The following NID2 variants were observed in gnomAD, a reference collection of about 807,000 sequenced individuals.
NID2 encodes nidogen 2, also known as nidogen-2.
In NID2, 83 loss-of-function variants were observed where a neutral mutation model predicts 145.4. The ratio of observed to expected loss-of-function variants is 0.57; its 90% CI spans 0.48 to 0.69. NID2 has a LOEUF of 0.69. Among genes scored for constraint, NID2 ranks in the 30% least tolerant of loss-of-function variants. The pLI is 0.00. For missense variants in NID2, 1,807 were observed against 1,765.7 expected (o/e 1.02, Z -0.42); for synonymous variants, 739 against 701.3 (o/e 1.05, Z -0.85).
Position 52,014,914 on chromosome 14 carries a change from TATAA to T in NID2, c.3250+136_3250+139del, listed in dbSNP as rs1035739228. 7 of 716,088 alleles carry T rather than the reference TATAA, an allele frequency of 9.8e-6. No individual in the cohort carries two copies. In the African/African-American group the frequency reaches 1.2e-4, roughly 13 times the overall value. The allele number at this position is 716,088 out of a possible 1,614,324, so 44.4% of individuals were successfully genotyped here. On this transcript the variant is annotated intron_variant, in intron 15 of 21. Transcript: ENST00000216286. ...AATTGGGATCTTGTGTGGACCAGAT[TATAA>T]ATCAACATAGCACATAGTGACTTCT...
Position 52,011,040 on chromosome 14 carries a change from T to A in NID2, c.3558A>T (p.Ile1186=). The A allele has an allele frequency of 6.2e-7, 1 of 1,613,308 alleles. No homozygotes were observed. Among genetic ancestry groups the A allele is most frequent in the Non-Finnish European group, 8.5e-7 (1 of 1,179,354 alleles). ...GGTCTATGGCAAGTCCTTCAGGGCT[T>A]ATCAGACCTGGAAATAAAGCAAAGT... The part of the protein sequence containing the change: ...EPETIVNSGL[I]SPEGLAIDHI... Residue 1186 remains isoleucine (I), a synonymous_variant, in exon 18 of 22, where the codon ATA becomes ATT. Transcript: ENST00000216286.
In NID2 at chr14:52,011,046, A is replaced by T. The variant is rs1890996739; in HGVS notation, c.3552T>A (p.Gly1184=). 1 of 1,612,422 alleles carries T rather than the reference A, an allele frequency of 6.2e-7. No homozygotes were observed. The highest frequency in any genetic ancestry group is 2.2e-5 in the East Asian group (1 of 44,800). Residue 1184 remains glycine (G), a splice_region_variant and synonymous_variant, in exon 18 of 22, where the codon GGT becomes GGA. Coordinates refer to ENST00000216286, the MANE Select transcript of NID2 (RefSeq NM_007361.4). ...TGGCAAGTCCTTCAGGGCTTATCAG[A>T]CCTGGAAATAAAGCAAAGTCAGGAC... ...GAEPETIVNS[G]LISPEGLAID... is the part of the protein sequence containing the mutation.
intron 9 of NID2, among the ~76,000 whole-genome samples, chr14:52,030,642 GAAAAAGAGAA>G (rs1891823318): frequency 2.1e-5 from 3 of 146,110 alleles, no homozygotes; most frequent in African/African-American, 5.0e-5. Context: ...GAAAGAGAAA[GAAAAAGAGAA>G]AGAAAGAAAG....
intron 9 of NID2, among the ~76,000 whole-genome samples, chr14:52,030,556 G>T (rs1891789399): frequency 1.8e-5 from 1 of 55,754 alleles, no homozygotes; most frequent in Non-Finnish European, 3.8e-5. Flanking sequence ...AAGAAAGAAA[G>T]AAAGAAAGAA....
At chr14:52,045,763 A>G (rs1251091288) in intron 5 of NID2, among the ~76,000 whole-genome samples, 1 of 152,132 alleles carries the variant, frequency 6.6e-6, no homozygotes, top group African/African-American at 2.4e-5. Flanking sequence ...GGACTCACAC[A>G]CTCACCAGTG....
chr14:52,051,376 G>A (rs1024060488), intron 5 of NID2, among the ~76,000 whole-genome samples: 7 of 152,196 alleles, frequency 4.6e-5, no homozygotes, highest in African/African-American at 1.7e-4. Flanking sequence ...TTTTAGAGCT[G>A]AGGAGAGCCA....
At chr14:52,066,988 T>A (rs1893239237) in intron 2 of NID2, among the ~76,000 whole-genome samples, 3 of 152,168 alleles carry the variant, frequency 2.0e-5, no homozygotes, top group Non-Finnish European at 4.4e-5. Flanking sequence ...CAGACTCCTA[T>A]AAACTAAGAA....
Position 52,027,633 on chromosome 14 carries a change from T to TACACACACACACACAC in NID2, c.2531-305_2531-290dup, listed in dbSNP as rs59049676. 1.1e-3 allele frequency among the ~76,000 whole-genome samples: 155 copies of TACACACACACACACAC among 144,246 alleles called. 1 individual carries two copies. Among genetic ancestry groups the TACACACACACACACAC allele is most frequent in the Admixed American group, 6.1e-3 (89 of 14,476 alleles). The allele number at this position is 144,246 out of a possible 152,430, so 94.6% of individuals were successfully genotyped here. On this transcript the variant is annotated intron_variant, in intron 11 of 21. Coordinates refer to ENST00000216286, the MANE Select transcript of NID2 (RefSeq NM_007361.4). ...GTTTATAACACTCCAGAGCAATTGC[T>TACACACACACACACAC]ACACACACACACACACACACACACA...
chr14:52,068,041 G>T lies in NID2; in HGVS notation c.351C>A (p.His117Gln), dbSNP rs773836821. 6.2e-7 allele frequency: 1 copy of T among 1,613,802 alleles called. No individual in the cohort carries two copies. Among genetic ancestry groups the T allele is most frequent in the South Asian group, 1.1e-5 (1 of 91,062 alleles). ...CTCGGTACAGGACTCGGCCTCTGCC[G>T]TGGCTCGTGTCGATGTCCGCCAGAA... The part of the protein sequence containing the change: ...APFLADIDTS[H>Q]GRGRVLYRED... Residue 117 changes from histidine to glutamine, a missense_variant, in exon 2 of 22, where the codon CAC (histidine) becomes CAA (glutamine). Physicochemically the swap from His to Gln is conservative, Grantham distance 24. Transcript: ENST00000216286.
intron 9 of NID2, among the ~76,000 whole-genome samples, chr14:52,031,047 T>C (rs1033735402): frequency 2.0e-5 from 3 of 152,196 alleles, no homozygotes; most frequent in African/African-American, 7.2e-5. Flanking sequence ...AAGAGGTGGA[T>C]GGAGCTGGAA....
At chr14:52,034,245 T>C (rs1332440292) in intron 9 of NID2, among the ~76,000 whole-genome samples, 1 of 152,178 alleles carries the variant, frequency 6.6e-6, no homozygotes, top group African/African-American at 2.4e-5. Flanking sequence ...AGGAAAAATA[T>C]ACCCAGAGAC....
Position 52,053,917 on chromosome 14 carries a change from T to G in NID2, c.1091A>C (p.His364Pro). ...PLEESSTLDP[H>P]TKEGTSLGEV... is the part of the protein sequence containing the mutation. ...TCCCAGAGATGTTCCTTCTTTGGTG[T>G]GAGGATCCAAGGTGGAAGATTCTGT... Residue 364 changes from histidine to proline, a missense_variant, in exon 5 of 22, where the codon CAC (histidine) becomes CCC (proline). Transcript: ENST00000216286. The G allele has an allele frequency of 6.2e-7, 1 of 1,613,820 alleles. No individual in the cohort carries two copies.
At position 52,027,321 on chromosome 14, in the gene NID2, A is replaced by G; in HGVS notation, c.2554T>C (p.Cys852Arg). 4 of 1,579,504 alleles carry G rather than the reference A, an allele frequency of 2.5e-6. No individual in the cohort carries two copies. Among genetic ancestry groups the G allele is most frequent in the Non-Finnish European group, 3.4e-6 (4 of 1,164,980 alleles). ...GCACAGGTATGACTGCCATCCTCAC[A>G]GGGGTTGGCAGGTGGGGTGATCACT... ...CILITPPANP[C>R]EDGSHTCAPA... The change falls in exon 12 of 22, where the codon TGT (cysteine) becomes CGT (arginine). Residue 852 changes from cysteine (C) to arginine (R), a missense_variant. Transcript: ENST00000216286.
At chr14:52,060,880 A>T (rs1893003083) in intron 2 of NID2, among the ~76,000 whole-genome samples, 1 of 152,194 alleles carries the variant, frequency 6.6e-6, no homozygotes, top group Non-Finnish European at 1.5e-5. Flanking sequence ...GTCTCACAGC[A>T]TCACTCTCTT....
intron 6 of NID2, 46 bp from the exon 7 acceptor site, chr14:52,042,396 G>C: frequency 1.3e-6 from 2 of 1,566,008 alleles, no homozygotes; most frequent in Non-Finnish European, 1.7e-6. Context: ...ATCCTGGCTA[G>C]AGATGGGTGT....
intron 5 of NID2, among the ~76,000 whole-genome samples, chr14:52,044,708 G>A (rs1892422963): frequency 6.6e-6 from 1 of 152,072 alleles, no homozygotes; most frequent in Admixed American, 6.5e-5. Flanking sequence ...GACTTCCCAG[G>A]CTCAAGTGAT....
At chr14:52,051,161 G>C (rs1479106316) in intron 5 of NID2, among the ~76,000 whole-genome samples, 1 of 148,814 alleles carries the variant, frequency 6.7e-6, no homozygotes, top group East Asian at 2.0e-4. Context: ...TGAACAAAAA[G>C]AAAGGTCTGT....
intron 12 of NID2, among the ~76,000 whole-genome samples, chr14:52,023,733 A>G (rs1891481755): frequency 6.6e-6 from 1 of 152,212 alleles, no homozygotes; most frequent in Non-Finnish European, 1.5e-5. Context: ...CAAGTTTGAA[A>G]TCACTCCAGA....
chr14:52,024,801 CT>C (rs1258263254), intron 12 of NID2, among the ~76,000 whole-genome samples: 5 of 151,858 alleles, frequency 3.3e-5, no homozygotes, highest in Non-Finnish European at 7.4e-5. Context: ...AATGACAATA[CT>C]TAAATTCCCA....
Sources: gnomAD v4.1 joint callset for allele counts (sites outside exome capture counted in the v4.1 genomes callset) on GRCh38, gnomAD v4.1.1 for gene constraint, MANE v1.5 for transcripts, NCBI Gene and HGNC (gene_info 2026-07-23, HGNC 2026-07-21) for gene names.